KYAT3: variants seen among roughly 807,000 people sequenced by gnomAD.
KYAT3 encodes kynurenine--oxoglutarate transaminase 3.
Under a neutral mutation model 59.0 loss-of-function variants are expected in KYAT3, and 50 were observed. That is an observed-to-expected ratio of 0.85 (90% CI 0.68 to 1.07). The LOEUF is 1.07. Ranked by LOEUF, KYAT3 falls within the 50% of genes least tolerant of loss-of-function variation. The probability of loss-of-function intolerance (pLI) is 0.00; values close to 1 mark genes in which losing one functional copy is unlikely to be tolerated. For missense variants in KYAT3, 497 were observed against 533.3 expected (o/e 0.93, Z 0.67); for synonymous variants, 148 against 177.0 (o/e 0.84, Z 1.30).
At chr1:88,962,261 G>T in intron 5 of KYAT3, 116 bp from the exon 6 acceptor site, 2 of 770,886 alleles carry the variant, frequency 2.6e-6, no homozygotes, top group South Asian at 1.7e-5. Flanking sequence ...CAGTGAAAAA[G>T]GCAGGCTTTG....
chr1:88,968,233 G>C (rs576504427), intron 4 of KYAT3, among the ~76,000 whole-genome samples: 1 of 152,126 alleles, frequency 6.6e-6, no homozygotes, highest in Non-Finnish European at 1.5e-5. Flanking sequence ...TCAAAGGTAC[G>C]TCTGATCTAG....
At position 88,955,034 on chromosome 1, in the gene KYAT3, G is replaced by A. The variant is rs989576079; in HGVS notation, c.864+115C>T. Reference sequence around the variant, plus strand: ...TCCTGCCTTAGCCTCCCAAAGTGCTGGGATTACAGGCATGAGCCACCATGC... The same window carrying A: ...TCCTGCCTTAGCCTCCCAAAGTGCTAGGATTACAGGCATGAGCCACCATGC... On this transcript the variant is annotated intron_variant, in intron 9 of 13. Transcript: ENST00000260508. 1.2e-5 allele frequency: 8 copies of A among 682,688 alleles called. No individual in the cohort carries two copies. The Admixed American group carries it at 1.4e-4, about 12-fold the overall frequency. The allele number at this position is 682,688 out of a possible 1,614,324, so 42.3% of individuals were successfully genotyped here. A position where few individuals can be genotyped will look rare whatever the true frequency, so the allele number is the denominator to read the frequency against.
intron 2 of KYAT3, among the ~76,000 whole-genome samples, chr1:88,976,398 T>C (rs868294254): frequency 2.6e-5 from 4 of 152,098 alleles, no homozygotes; most frequent in Middle Eastern, 6.9e-3. Flanking sequence ...GGAGCCATTG[T>C]AGCTGTTGTA....
At chr1:88,922,925 G>A in the KYAT3 span, among the ~76,000 whole-genome samples, 3 of 152,332 alleles carry the variant, frequency 2.0e-5, no homozygotes, top group African/African-American at 7.2e-5. Context: ...CTTTTGCTGT[G>A]TTTGCTAGAG....
At chr1:88,983,432 C>G (rs140234698) in intron 2 of KYAT3, 6 of 1,614,072 alleles carry the variant, frequency 3.7e-6, no homozygotes, top group African/African-American at 1.3e-5. Flanking sequence ...GGAATATCCA[C>G]CATCATCCAT....
intron 8 of KYAT3, among the ~76,000 whole-genome samples, chr1:88,958,981 C>T (rs1247838102): frequency 6.6e-6 from 1 of 152,144 alleles, no homozygotes; most frequent in Non-Finnish European, 1.5e-5. Flanking sequence ...AACACACCCT[C>T]ATAAATCAAA....
chr1:88,926,799 T>C, the KYAT3 span, among the ~76,000 whole-genome samples: 2 of 152,170 alleles, frequency 1.3e-5, no homozygotes, highest in South Asian at 2.1e-4. Flanking sequence ...AAAAAGACTA[T>C]CTCAATCCTG....
rs948045395 is a variant in KYAT3, at chr1:88,978,946, C to CGG, written c.99+9305_99+9306insCC. ...CTGGGATTGCAGGCATGAGCCACCA[C>CGG]ACCTGGTGGAGTTGTGATTTTTGCT... On this transcript the variant is annotated intron_variant, in intron 2 of 13. Transcript: ENST00000260508. 5.1e-4 allele frequency among the ~76,000 whole-genome samples: 77 copies of CGG among 152,114 alleles called. 1 individual carries two copies. The highest frequency in any genetic ancestry group is 3.5e-4 in the Non-Finnish European group (24 of 68,020).
chr1:88,976,688 A>G (rs1479831073), intron 2 of KYAT3, among the ~76,000 whole-genome samples: 2 of 152,232 alleles, frequency 1.3e-5, no homozygotes, highest in African/African-American at 2.4e-5. Context: ...ATCATAGCAG[A>G]TGACAGCTCC....
At chr1:88,982,035 G>A in intron 2 of KYAT3, 1 of 980,002 alleles carries the variant, frequency 1.0e-6, no homozygotes, top group Non-Finnish European at 1.2e-6. Flanking sequence ...CTTATTGTGG[G>A]AGGGGAAAGG....
chr1:88,983,295 C>A lies in KYAT3; in HGVS notation c.99+4957G>T. ...CCACGTGATAGAGGAGCTCTTCCTC[C>A]CATTCCACTGCTGCTGCGAACTAGT... On this transcript the variant is annotated intron_variant, in intron 2 of 13. Transcript: ENST00000260508. 4 of 1,613,926 alleles carry A rather than the reference C, an allele frequency of 2.5e-6. No individual in the cohort carries two copies. The South Asian group carries it at 4.4e-5, about 18-fold the overall frequency.
chr1:88,983,206 C>T lies in KYAT3; in HGVS notation c.99+5046G>A, dbSNP rs780182008. The T allele has an allele frequency of 1.2e-5, 20 of 1,612,826 alleles. No individual in the cohort carries two copies. In the Admixed American group the frequency reaches 3.3e-4, roughly 27 times the overall value. On this transcript the variant is annotated intron_variant, in intron 2 of 13. Coordinates refer to ENST00000260508, the MANE Select transcript of KYAT3 (RefSeq NM_001008661.3). ...TAGAATACCCATCATCTCTTGGGGA[C>T]AAATAAACATCTCTACGAGAGGGGA...
intron 5 of KYAT3, chr1:88,964,626 G>A (rs1406863406): frequency 3.8e-6 from 2 of 521,208 alleles, no homozygotes; most frequent in African/African-American, 1.9e-5. Flanking sequence ...TCATATCTTT[G>A]TCTGGTTGTA....
chr1:88,962,256 A>G (rs1323597843), intron 5 of KYAT3, 111 bp from the exon 6 acceptor site: 6 of 802,514 alleles, frequency 7.5e-6, no homozygotes, highest in Non-Finnish European at 1.2e-5. Context: ...TACAGCAGTG[A>G]AAAAGGCAGG....
intron 9 of KYAT3, among the ~76,000 whole-genome samples, chr1:88,954,917 C>T (rs1675841945): frequency 1.3e-5 from 2 of 152,128 alleles, no homozygotes; most frequent in Admixed American, 1.3e-4. Context: ...ATGCACCACC[C>T]TGCCTGGCTA....
intron 8 of KYAT3, among the ~76,000 whole-genome samples, chr1:88,960,682 G>C (rs1676104335): frequency 6.6e-6 from 1 of 152,102 alleles, no homozygotes; most frequent in South Asian, 2.1e-4. Flanking sequence ...AGTTGACATG[G>C]TTTGGACTAC....
intron 10 of KYAT3, among the ~76,000 whole-genome samples, chr1:88,949,724 C>A (rs1675598092): frequency 6.6e-6 from 1 of 152,190 alleles, no homozygotes; most frequent in East Asian, 1.9e-4. Context: ...CTTTCTTATT[C>A]TCCATAGGTG....
At chr1:88,990,512 G>C (rs1316448539) in intron 1 of KYAT3, among the ~76,000 whole-genome samples, 1 of 152,190 alleles carries the variant, frequency 6.6e-6, no homozygotes, top group Admixed American at 6.5e-5. Context: ...TGCAGCTTTA[G>C]ATACTGGCAG....
chr1:88,941,016 C>T (rs551870095), intron 13 of KYAT3, among the ~76,000 whole-genome samples: 2 of 152,258 alleles, frequency 1.3e-5, no homozygotes, highest in East Asian at 1.9e-4. Flanking sequence ...TTTCTATTCT[C>T]TTAGTTGTTT....
Sources: gnomAD v4.1 joint callset for allele counts (sites outside exome capture counted in the v4.1 genomes callset) on GRCh38, gnomAD v4.1.1 for gene constraint, MANE v1.5 for transcripts, NCBI Gene and HGNC (gene_info 2026-07-23, HGNC 2026-07-21) for gene names.